The following SHC4 variants were observed in gnomAD, a reference collection of about 807,000 sequenced individuals.
SHC4 encodes the protein SHC-transforming protein 4.
In SHC4, 41 loss-of-function variants were observed where a neutral mutation model predicts 69.4. The observed-to-expected ratio is 0.59, with a 90% CI of 0.46 to 0.77. The LOEUF (loss-of-function observed/expected upper bound fraction) is 0.77. SHC4 is among the 30% of genes least tolerant of loss of function. The probability of loss-of-function intolerance (pLI) is 0.00; values close to 1 mark genes in which losing one functional copy is unlikely to be tolerated. For missense variants in SHC4, 777 were observed against 783.8 expected, an observed-to-expected ratio of 0.99 and a Z score of 0.10; for synonymous variants, 318 against 299.3, an observed-to-expected ratio of 1.06 and a Z score of -0.64.
chr15:48,871,868 C>T (rs921453140), intron 5 of SHC4: 1 of 433,002 alleles, frequency 2.3e-6, no homozygotes, highest in Non-Finnish European at 4.1e-6. Flanking sequence ...ATCTACTAAT[C>T]CAAGTATTTT....
intron 6 of SHC4, among the ~76,000 whole-genome samples, chr15:48,858,837 A>G (rs1430629775): frequency 6.6e-6 from 1 of 152,232 alleles, no homozygotes; most frequent in Non-Finnish European, 1.5e-5. Context: ...AAGTCCAATA[A>G]CAGTTTAATA....
chr15:48,911,669 T>C (rs972018825), intron 2 of SHC4, among the ~76,000 whole-genome samples: 1 of 152,204 alleles, frequency 6.6e-6, no homozygotes, highest in Admixed American at 6.5e-5. Context: ...GCTTTTTAAC[T>C]TGTATTTTTG....
At chr15:48,922,970 G>A (rs1900777266) in intron 2 of SHC4, among the ~76,000 whole-genome samples, 1 of 152,200 alleles carries the variant, frequency 6.6e-6, no homozygotes, top group Admixed American at 6.5e-5. Context: ...AATACTGGAA[G>A]TGTAGTCAGG....
intron 6 of SHC4, among the ~76,000 whole-genome samples, chr15:48,866,273 G>A (rs1384886834): frequency 6.6e-6 from 1 of 152,022 alleles, no homozygotes; most frequent in East Asian, 1.9e-4. Flanking sequence ...ACTGGTTCCT[G>A]TCTCTCCTGC....
chr15:48,927,072 TGTAA>T (rs1900867186), intron 1 of SHC4, among the ~76,000 whole-genome samples: 1 of 152,214 alleles, frequency 6.6e-6, no homozygotes, highest in Non-Finnish European at 1.5e-5. Flanking sequence ...TCTCTTCAAC[TGTAA>T]GTGTTATTAG....
At chr15:48,954,263 C>T (rs1901408244) in intron 1 of SHC4, among the ~76,000 whole-genome samples, 1 of 152,188 alleles carries the variant, frequency 6.6e-6, no homozygotes, top group Non-Finnish European at 1.5e-5. Flanking sequence ...CCAGACATTA[C>T]CAAATGTCCC....
chr15:48,874,480 C>T (rs1201984342), intron 4 of SHC4, among the ~76,000 whole-genome samples: 1 of 128,338 alleles, frequency 7.8e-6, no homozygotes, highest in Non-Finnish European at 1.8e-5. Context: ...CCGTTGCTCA[C>T]ATTACTGTCT....
At chr15:48,846,973 G>A (rs753821035) in intron 9 of SHC4, among the ~76,000 whole-genome samples, 5 of 147,682 alleles carry the variant, frequency 3.4e-5, no homozygotes, top group South Asian at 2.1e-4. Flanking sequence ...ACCTTTAAGC[G>A]CACAATAGAG....
chr15:48,877,972 AGC>A, intron 4 of SHC4: 1 of 535,802 alleles, frequency 1.9e-6, no homozygotes, highest in Non-Finnish European at 3.2e-6. Context: ...ATGGAAACGT[AGC>A]TCAAAAGGCG....
intron 4 of SHC4, chr15:48,878,853 A>T: frequency 9.3e-7 from 1 of 1,080,486 alleles, no homozygotes; most frequent in Non-Finnish European, 1.3e-6. Flanking sequence ...CCTTCAAAAA[A>T]ATTTGTTTTT....
intron 6 of SHC4, among the ~76,000 whole-genome samples, chr15:48,860,091 C>G (rs1871727561): frequency 6.6e-6 from 1 of 152,110 alleles, no homozygotes; most frequent in African/African-American, 2.4e-5. Flanking sequence ...TACATAATAT[C>G]AAGTATGGCT....
Position 48,824,294 on chromosome 15 carries a change from T to C in SHC4, c.*1677A>G, listed in dbSNP as rs963690654. ...GTGCAGTATGCTTGGTTTCTAATGA[T>C]TTCTATCCAAAAGAAGTTTTATTTA... On this transcript the variant is annotated 3_prime_UTR_variant, in exon 12 of 12. Transcript: ENST00000332408. The C allele has an allele frequency of 2.0e-5, 3 of 152,190 alleles. No homozygotes were observed. Among genetic ancestry groups the C allele is most frequent in the African/African-American group, 7.2e-5 (3 of 41,450 alleles). 9.4% of individuals were successfully genotyped at this position (152,190 alleles called of 1,614,324 possible). A position where few individuals can be genotyped will look rare whatever the true frequency, so the allele number is the denominator to read the frequency against.
At chr15:48,847,050 T>C (rs889596013) in intron 9 of SHC4, among the ~76,000 whole-genome samples, 1 of 151,582 alleles carries the variant, frequency 6.6e-6, no homozygotes, top group Non-Finnish European at 1.5e-5. Flanking sequence ...GGCCATTATA[T>C]TTAAGTTGGT....
At chr15:48,843,628 T>C in intron 9 of SHC4, 40 bp from the exon 10 acceptor site, 2 of 1,551,222 alleles carry the variant, frequency 1.3e-6, no homozygotes, top group Non-Finnish European at 1.8e-6. Context: ...ATGTTTTTTC[T>C]TTGTAAATAG....
At chr15:48,836,050 A>T (rs1898892793) in intron 10 of SHC4, among the ~76,000 whole-genome samples, 1 of 136,020 alleles carries the variant, frequency 7.4e-6, no homozygotes, top group South Asian at 2.4e-4. Context: ...AAAAAAAGCC[A>T]GGCATAGTGG....
intron 1 of SHC4, among the ~76,000 whole-genome samples, chr15:48,940,816 A>T (rs1205324171): frequency 2.0e-5 from 3 of 152,222 alleles, no homozygotes; most frequent in Non-Finnish European, 4.4e-5. Context: ...CACATTAGTC[A>T]TTCTCCCACA....
At chr15:48,879,626 A>G (rs571810382) in intron 4 of SHC4, 3 of 167,226 alleles carry the variant, frequency 1.8e-5, no homozygotes, top group Admixed American at 1.3e-4. Flanking sequence ...AAAGTTGTCA[A>G]GTAAAAAGCG....
chr15:48,897,770 C>CACACACACACACAA (rs1900250081), intron 2 of SHC4, among the ~76,000 whole-genome samples: 1 of 151,876 alleles, frequency 6.6e-6, no homozygotes, highest in African/African-American at 2.4e-5. Flanking sequence ...CACACACACA[C>CACACACACACACAA]ACACACACAC....
chr15:48,863,437 A>C (rs1181037856), intron 6 of SHC4, among the ~76,000 whole-genome samples: 1 of 151,356 alleles, frequency 6.6e-6, no homozygotes, highest in African/African-American at 2.4e-5. Flanking sequence ...GCTGCATCAT[A>C]GTACATTCTA....
Sources: gnomAD v4.1 joint callset for allele counts (sites outside exome capture counted in the v4.1 genomes callset) on GRCh38, gnomAD v4.1.1 for gene constraint, MANE v1.5 for transcripts, NCBI Gene and HGNC (gene_info 2026-07-23, HGNC 2026-07-21) for gene names.